Variants in PIK3C2G observed in about 807,000 individuals in gnomAD.
The protein encoded by PIK3C2G is phosphatidylinositol 3-kinase C2 domain-containing subunit gamma.
PIK3C2G carries 168 observed loss-of-function variants against 181.1 expected under a neutral mutation model. The ratio of observed to expected loss-of-function variants is 0.93; its 90% CI spans 0.82 to 1.05. The LOEUF is 1.05. PIK3C2G is among the 50% of genes least tolerant of loss of function. The pLI, the probability that PIK3C2G is intolerant of heterozygous loss-of-function variation, is 0.00. For missense variants in PIK3C2G, 1,869 were observed against 1,732.8 expected, an observed-to-expected ratio of 1.08 and a Z score of -1.40; for synonymous variants, 573 against 592.2, an observed-to-expected ratio of 0.97 and a Z score of 0.47.
At chr12:18,577,135 A>G (rs1181492976) in intron 29 of PIK3C2G, among the ~76,000 whole-genome samples, 1 of 152,228 alleles carries the variant, frequency 6.6e-6, no homozygotes, top group Non-Finnish European at 1.5e-5. Flanking sequence ...TGTATCTGCT[A>G]TGAAATCTCA....
chr12:18,244,535 G>A (rs1948019710), upstream of PIK3C2G, among the ~76,000 whole-genome samples: 1 of 151,888 alleles, frequency 6.6e-6, no homozygotes, highest in African/African-American at 2.4e-5. Context: ...ATTTATCCAG[G>A]AGATCCACAA....
At chr12:18,272,212 C>T (rs1948773093) in intron 1 of PIK3C2G, among the ~76,000 whole-genome samples, 1 of 151,858 alleles carries the variant, frequency 6.6e-6, no homozygotes, top group Non-Finnish European at 1.5e-5. Context: ...TAGAAATTTA[C>T]TTGTTAAAGA....
intron 32 of PIK3C2G, among the ~76,000 whole-genome samples, chr12:18,641,263 C>T (rs569640803): frequency 6.6e-6 from 1 of 152,184 alleles, no homozygotes; most frequent in Non-Finnish European, 1.5e-5. Flanking sequence ...AATTAACCCA[C>T]ATGATCTGCT....
chr12:18,533,941 C>CTTTTTTTTTTTT (rs542327503), intron 24 of PIK3C2G, among the ~76,000 whole-genome samples: 3 of 91,498 alleles, frequency 3.3e-5, no homozygotes, highest in Admixed American at 1.5e-4. Context: ...CCTGCTATTT[C>CTTTTTTTTTTTT]TTTTTTTTTT....
chr12:18,623,013 T>C (rs1948931940), intron 31 of PIK3C2G, among the ~76,000 whole-genome samples: 1 of 151,932 alleles, frequency 6.6e-6, no homozygotes, highest in Non-Finnish European at 1.5e-5. Flanking sequence ...GCGTTGTTTA[T>C]TGTTTCTTTT....
intron 16 of PIK3C2G, among the ~76,000 whole-genome samples, chr12:18,417,379 A>G (rs1038385634): frequency 3.3e-5 from 5 of 152,222 alleles, no homozygotes. Flanking sequence ...GAAAGAATTG[A>G]CTTCAATTTT....
chr12:18,390,658 T>G (rs1033552360), intron 14 of PIK3C2G, among the ~76,000 whole-genome samples: 1 of 152,132 alleles, frequency 6.6e-6, no homozygotes, highest in Non-Finnish European at 1.5e-5. Context: ...ATTCTCAGAC[T>G]TGCAAATTTC....
upstream of PIK3C2G, among the ~76,000 whole-genome samples, chr12:18,257,041 C>A (rs10743267): frequency 0.42 from 63,980 of 151,896 alleles, 14,100 homozygotes; most frequent in East Asian, 0.75. Context: ...TTTGCCATGC[C>A]TGACACAACT....
In PIK3C2G at chr12:18,503,268, T is replaced by G. The variant is rs756570090; in HGVS notation, c.3017-13T>G. On this transcript the variant is annotated splice_polypyrimidine_tract_variant and intron_variant, in intron 22 of 32. Coordinates refer to ENST00000538779, the MANE Select transcript of PIK3C2G (RefSeq NM_001288772.2). ...GAAGGAATTGTCTCTGTAATCTTTT[T>G]TTTCTCTACCAGGATTGGTGCAGAT... 1 of 1,580,252 alleles carries G rather than the reference T, an allele frequency of 6.3e-7. No individual in the cohort carries two copies. Among genetic ancestry groups the G allele is most frequent in the Non-Finnish European group, 8.6e-7 (1 of 1,166,500 alleles).
At chr12:18,485,685 A>G (rs1939957337) in intron 18 of PIK3C2G, among the ~76,000 whole-genome samples, 1 of 152,180 alleles carries the variant, frequency 6.6e-6, no homozygotes, top group South Asian at 2.1e-4. Flanking sequence ...TTTACCTCAC[A>G]GTTTGTGCAA....
At position 18,299,591 on chromosome 12, in the gene PIK3C2G, G is replaced by A. The variant is rs138635275; in HGVS notation, c.1034+5576G>A. ...TTCCATTATTATGCTGAATAAGAGTGCTAAAGGTAGGCAACCTTGTCTTGT... is the reference window on the plus strand; with the variant it reads ...TTCCATTATTATGCTGAATAAGAGTACTAAAGGTAGGCAACCTTGTCTTGT... On this transcript the variant is annotated intron_variant, in intron 5 of 32. Coordinates refer to ENST00000538779, the MANE Select transcript of PIK3C2G (RefSeq NM_001288772.2). Among the ~76,000 whole-genome samples the A allele has an allele frequency of 1.3e-3, 197 of 151,994 alleles. 1 individual carries two copies. Among genetic ancestry groups the A allele is most frequent in the African/African-American group, 4.6e-3 (189 of 41,522 alleles).
At chr12:18,253,793 G>A (rs10770336) in intron 1 of PIK3C2G, among the ~76,000 whole-genome samples, 63,936 of 151,498 alleles carry the variant, frequency 0.42, 14,093 homozygotes, top group East Asian at 0.75. Context: ...TGGCCATTAT[G>A]GTAACACACA....
chr12:18,254,198 C>A (rs1352528656), intron 1 of PIK3C2G, among the ~76,000 whole-genome samples: 3 of 152,108 alleles, frequency 2.0e-5, no homozygotes, highest in Non-Finnish European at 4.4e-5. Flanking sequence ...TGAATATTAA[C>A]TTTACACTCA....
At chr12:18,418,694 C>T (rs1945312066) in intron 16 of PIK3C2G, among the ~76,000 whole-genome samples, 1 of 151,992 alleles carries the variant, frequency 6.6e-6, no homozygotes, top group Non-Finnish European at 1.5e-5. Context: ...CAGAACTCGG[C>T]AACTGATTAG....
Position 18,594,578 on chromosome 12 carries a change from A to C in PIK3C2G, c.4087+9A>C. The C allele has an allele frequency of 7.1e-7, 1 of 1,403,238 alleles. No individual in the cohort carries two copies. The highest frequency in any genetic ancestry group is 9.7e-7 in the Non-Finnish European group (1 of 1,033,716). 86.9% of individuals were successfully genotyped at this position (1,403,238 alleles called of 1,614,324 possible). ...ATCACCTGTGTACCTAGGTAAGTAA[A>C]TTTGTCATTATATTACGTACAGTGA... On this transcript the variant is annotated intron_variant, in intron 30 of 32. Transcript: ENST00000538779.
intron 4 of PIK3C2G, among the ~76,000 whole-genome samples, chr12:18,292,254 A>ATATG (rs1195888964): frequency 1.4e-5 from 2 of 138,158 alleles, no homozygotes; most frequent in East Asian, 4.2e-4. Context: ...ATATATATAT[A>ATATG]TGGATTTATT....
rs1469931164 is a variant in PIK3C2G, at chr12:18,421,012, A to T, written c.2387A>T (p.Glu796Val). The T allele has an allele frequency of 6.3e-7, 1 of 1,591,338 alleles. No homozygotes were observed. Among genetic ancestry groups the T allele is most frequent in the Admixed American group, 1.7e-5 (1 of 59,898 alleles). Residue 796 changes from glutamate to valine, a missense_variant, in exon 17 of 33, where the codon GAA becomes GTA. By Grantham distance (121) the Glu-to-Val change is moderately radical. Coordinates refer to ENST00000538779, the MANE Select transcript of PIK3C2G (RefSeq NM_001288772.2). ...LDNLLNDELLEYLPQLVQAVK... is the reference protein window; with the variant it reads ...LDNLLNDELLVYLPQLVQAVK... Reference sequence around the variant, plus strand: ...AACCTCTTGAATGATGAACTACTGGAATATCTCCCACAGCTAGTTCAGGTA... The same window carrying T: ...AACCTCTTGAATGATGAACTACTGGTATATCTCCCACAGCTAGTTCAGGTA...
At chr12:18,509,412 T>C (rs1323270907) in intron 24 of PIK3C2G, among the ~76,000 whole-genome samples, 2 of 152,228 alleles carry the variant, frequency 1.3e-5, no homozygotes, top group African/African-American at 4.8e-5. Flanking sequence ...AAAGAGGTGA[T>C]ATAAGAAGGA....
chr12:18,692,924 G>C, the PIK3C2G span: 2 of 1,579,084 alleles, frequency 1.3e-6, no homozygotes, highest in Non-Finnish European at 1.7e-6. Flanking sequence ...CCAGCAAACT[G>C]CCACTGGTGA....
Sources: gnomAD v4.1 joint callset for allele counts (sites outside exome capture counted in the v4.1 genomes callset) on GRCh38, gnomAD v4.1.1 for gene constraint, MANE v1.5 for transcripts, NCBI Gene and HGNC (gene_info 2026-07-23, HGNC 2026-07-21) for gene names.